The following CHRAC1 variants were observed in gnomAD, a reference collection of about 807,000 sequenced individuals.
CHRAC1 encodes chromatin accessibility complex subunit 1.
Under a neutral mutation model 9.1 loss-of-function variants are expected in CHRAC1, and 6 were observed. That is an observed-to-expected ratio of 0.66 (90% CI 0.36 to 1.29). CHRAC1 has a LOEUF of 1.29. Ranked by LOEUF, CHRAC1 falls within the 50% of genes most tolerant of loss-of-function variation. CHRAC1 has a pLI of 0.03. For missense variants in CHRAC1, 168 were observed against 163.5 expected (o/e 1.03, Z -0.15); for synonymous variants, 73 against 64.5 (o/e 1.13, Z -0.63).
chr8:140,515,315 A>T lies in CHRAC1; in HGVS notation c.*68A>T, dbSNP rs1307271330. Reference sequence around the variant, plus strand: ...GACCCACTCCACTGTCTCTAAGTAAACACAGCACTGCCCGCTTTTAGCGTC... The same window carrying T: ...GACCCACTCCACTGTCTCTAAGTAATCACAGCACTGCCCGCTTTTAGCGTC... On this transcript the variant is annotated 3_prime_UTR_variant, in exon 3 of 3. Coordinates refer to ENST00000220913, the MANE Select transcript of CHRAC1 (RefSeq NM_017444.6). The T allele has an allele frequency of 3.5e-5, 53 of 1,514,166 alleles. 2 individuals carry two copies. In the South Asian group the frequency reaches 6.3e-4, roughly 18 times the overall value. The allele number at this position is 1,514,166 out of a possible 1,614,324, so 93.8% of individuals were successfully genotyped here.
At chr8:140,513,985 C>T (rs1287930699) in intron 1 of CHRAC1, among the ~76,000 whole-genome samples, 1 of 145,776 alleles carries the variant, frequency 6.9e-6, no homozygotes, top group East Asian at 2.0e-4. Flanking sequence ...CTGCAATCTC[C>T]AACCTCCACC....
chr8:140,511,945 C>T, intron 1 of CHRAC1: 1 of 1,275,814 alleles, frequency 7.8e-7, no homozygotes. Flanking sequence ...CTCCGCCCGC[C>T]CCTTCCTTCC....
intron 1 of CHRAC1, among the ~76,000 whole-genome samples, chr8:140,513,609 T>G (rs556814279): frequency 5.3e-5 from 8 of 151,802 alleles, no homozygotes; most frequent in African/African-American, 1.7e-4. Context: ...TTTTGTTTTT[T>G]TTTTTTATTT....
chr8:140,514,454 CA>C lies in CHRAC1; in HGVS notation c.236del (p.Asn79ThrfsTer21). The part of the protein sequence containing the change: ...EKKVLTYSDL[A>X]NTAQQSETFQ... The stretch of plus-strand genomic sequence containing the variant: ...AAAGTACTGACTTACAGTGATTTAG[CA>C]AACACTGCACAGCAATCAGAAACTT... On this transcript the variant is annotated frameshift_variant, in exon 2 of 3. Coordinates refer to ENST00000220913, the MANE Select transcript of CHRAC1 (RefSeq NM_017444.6). LOFTEE classifies it high-confidence loss of function. 1 of 1,577,330 alleles carries C rather than the reference CA, an allele frequency of 6.3e-7. No individual in the cohort carries two copies. Among genetic ancestry groups the C allele is most frequent in the Non-Finnish European group, 8.6e-7 (1 of 1,169,056 alleles).
chr8:140,512,119 C>T (rs747646847), intron 1 of CHRAC1: 8 of 915,614 alleles, frequency 8.7e-6, no homozygotes, highest in South Asian at 4.5e-5. Context: ...CGGCCCTACC[C>T]GTGGGCGTCG....
chr8:140,514,371 G>A lies in CHRAC1; in HGVS notation c.150G>A (p.Glu50=), dbSNP rs1274682726. Reference sequence around the variant, plus strand: ...TTGCATTTTTCATTTTGTTCTAGGAGCTCTTTGTTCAATGCCTAGCCACCT... The same window carrying A: ...TTGCATTTTTCATTTTGTTCTAGGAACTCTTTGTTCAATGCCTAGCCACCT... ...EALVLTAKAT[E]LFVQCLATYS... Residue 50 remains glutamate, a splice_region_variant and synonymous_variant, in exon 2 of 3, where the codon GAG becomes GAA. Transcript: ENST00000220913. 4 of 1,579,634 alleles carry A rather than the reference G, an allele frequency of 2.5e-6. No individual in the cohort carries two copies. The highest frequency in any genetic ancestry group is 2.8e-5 in the African/African-American group (2 of 72,516).
chr8:140,512,293 C>T (rs1228502832), intron 1 of CHRAC1, among the ~76,000 whole-genome samples: 1 of 152,076 alleles, frequency 6.6e-6, no homozygotes, highest in Non-Finnish European at 1.5e-5. Context: ...TCACCCGCGA[C>T]TCGAGGCTCT....
At position 140,514,466 on chromosome 8, in the gene CHRAC1, A is replaced by G. The variant is rs758857985; in HGVS notation, c.245A>G (p.Gln82Arg). The G allele has an allele frequency of 1.9e-6, 3 of 1,563,256 alleles. No individual in the cohort carries two copies. The highest frequency in any genetic ancestry group is 2.6e-6 in the Non-Finnish European group (3 of 1,164,966). ...TACAGTGATTTAGCAAACACTGCAC[A>G]GCAATCAGAAACTTTTCAGTTTCTT... ...LTYSDLANTA[Q>R]QSETFQFLAD... Residue 82 changes from glutamine (Q) to arginine (R), a missense_variant, in exon 2 of 3, where the codon CAG becomes CGG. Transcript: ENST00000220913.
rs2072272504 is a variant in CHRAC1 at position 140,511,491 on chromosome 8, G to A, written c.-9G>A. ...GCCGGCTGCGGGCACCCGCGCGACG[G>A]GCGGGAAGATGGCGGACGTGGTCGT... On this transcript the variant is annotated 5_prime_UTR_variant, in exon 1 of 3. Transcript: ENST00000220913. 1.5e-6 allele frequency: 2 copies of A among 1,319,882 alleles called. No homozygotes were observed. Among genetic ancestry groups the A allele is most frequent in the Non-Finnish European group, 2.0e-6 (2 of 1,022,862 alleles). The allele number at this position is 1,319,882 out of a possible 1,614,324, so 81.8% of individuals were successfully genotyped here.
intron 1 of CHRAC1, among the ~76,000 whole-genome samples, chr8:140,512,503 C>T (rs1159113255): frequency 6.6e-6 from 1 of 152,172 alleles, no homozygotes; most frequent in African/African-American, 2.4e-5. Context: ...AAAAAAATTG[C>T]GTCTCGATAG....
Position 140,516,702 on chromosome 8 carries a change from T to C in CHRAC1, c.*1455T>C, listed in dbSNP as rs1366068948. On this transcript the variant is annotated 3_prime_UTR_variant, in exon 3 of 3. Coordinates refer to ENST00000220913, the MANE Select transcript of CHRAC1 (RefSeq NM_017444.6). ...TAAAATAAAATATTTTAAAATCTAC[T>C]TTTTGGTGTACAGTTCTGAGTTTTG... The C allele has an allele frequency of 6.6e-6, 1 of 152,198 alleles. No individual in the cohort carries two copies. The highest frequency in any genetic ancestry group is 1.5e-5 in the Non-Finnish European group (1 of 68,044). 9.4% of individuals were successfully genotyped at this position (152,198 alleles called of 1,614,324 possible).
At chr8:140,511,938 C>A in intron 1 of CHRAC1, 1 of 1,255,484 alleles carries the variant, frequency 8.0e-7, no homozygotes, top group Non-Finnish European at 1.0e-6. Flanking sequence ...TCCTTCGCTC[C>A]GCCCGCCCCT....
At chr8:140,513,967 C>A (rs951682276) in intron 1 of CHRAC1, among the ~76,000 whole-genome samples, 1 of 136,618 alleles carries the variant, frequency 7.3e-6, no homozygotes, top group Non-Finnish European at 1.5e-5. Context: ...ATCACCCAGG[C>A]CAGAGTGCTG....
chr8:140,512,111 G>C, intron 1 of CHRAC1: 1 of 1,047,622 alleles, frequency 9.5e-7, no homozygotes, highest in South Asian at 1.4e-5. Flanking sequence ...TCAGTTTCCG[G>C]CCCTACCCGT....
At chr8:140,514,964 G>A in intron 2 of CHRAC1, 162 bp from the exon 3 acceptor site, 1 of 683,222 alleles carries the variant, frequency 1.5e-6, no homozygotes, top group South Asian at 1.9e-5. Context: ...AGGAGACAAT[G>A]CTAGTTTCTT....
In CHRAC1 at chr8:140,517,015, T is replaced by C. The variant is rs1375292458; in HGVS notation, c.*1768T>C. Reference sequence around the variant, plus strand: ...AGGAATGCAGGTGGCTGTGTTTCAATAGAGCTTTATTTCTGCAAACTGAAA... The same window carrying C: ...AGGAATGCAGGTGGCTGTGTTTCAACAGAGCTTTATTTCTGCAAACTGAAA... On this transcript the variant is annotated 3_prime_UTR_variant, in exon 3 of 3. Transcript: ENST00000220913. 1 of 152,244 alleles carries C rather than the reference T, an allele frequency of 6.6e-6. No homozygotes were observed. The highest frequency in any genetic ancestry group is 1.5e-5 in the Non-Finnish European group (1 of 68,044). The allele number at this position is 152,244 out of a possible 1,614,324, so 9.4% of individuals were successfully genotyped here. A position where few individuals can be genotyped will look rare whatever the true frequency, so the allele number is the denominator to read the frequency against.
rs1033646894 is a variant in CHRAC1, at chr8:140,511,856, C to T, written c.147+210C>T. 5.3e-6 allele frequency: 4 copies of T among 753,204 alleles called. No homozygotes were observed. In the African/African-American group the frequency reaches 5.3e-5, roughly 10 times the overall value. The allele number at this position is 753,204 out of a possible 1,614,324, so 46.7% of individuals were successfully genotyped here. ...CTCGCGCGTCTTCGCCCCGCCCACC[C>T]CTCGCCGCTCCCTCACGTTCTCCAG... On this transcript the variant is annotated intron_variant, in intron 1 of 2. Transcript: ENST00000220913.
At position 140,511,581 on chromosome 8, in the gene CHRAC1, A is replaced by C; in HGVS notation, c.82A>C (p.Met28Leu). 6.7e-7 allele frequency: 1 copy of C among 1,485,050 alleles called. No individual in the cohort carries two copies. Among genetic ancestry groups the C allele is most frequent in the Non-Finnish European group, 9.0e-7 (1 of 1,111,238 alleles). 92.0% of individuals were successfully genotyped at this position (1,485,050 alleles called of 1,614,324 possible). The change falls in exon 1 of 3, where the codon ATG (methionine) becomes CTG (leucine). Residue 28 changes from methionine (M) to leucine (L), a missense_variant. Coordinates refer to ENST00000220913, the MANE Select transcript of CHRAC1 (RefSeq NM_017444.6). ...SLPLSRIRVIMKSSPEVSSIN... is the reference protein window; with the variant it reads ...SLPLSRIRVILKSSPEVSSIN... ...GCCTCTATCCCGCATCCGGGTCATC[A>C]TGAAGAGCTCCCCCGAGGTGTCCAG...
At chr8:140,514,989 G>A in intron 2 of CHRAC1, 137 bp from the exon 3 acceptor site, 1 of 846,254 alleles carries the variant, frequency 1.2e-6, no homozygotes, top group East Asian at 2.5e-5. Context: ...ATTTTACCCA[G>A]AAATGCAGCC....
Sources: allele counts gnomAD v4.1 joint callset (sites outside exome capture counted in the v4.1 genomes callset), GRCh38; gene constraint gnomAD v4.1.1; transcripts MANE v1.5; gene names NCBI Gene and HGNC (gene_info 2026-07-23, HGNC 2026-07-21).